The following DPF1 variants were observed in gnomAD, a reference collection of about 807,000 sequenced individuals.
DPF1 encodes the protein double PHD fingers 1, also known as zinc finger protein neuro-d4.
DPF1 carries 14 observed loss-of-function variants against 58.7 expected under a neutral mutation model. That is an observed-to-expected ratio of 0.24 (90% confidence interval 0.16 to 0.37). The LOEUF is 0.37. Ranked by LOEUF, DPF1 falls within the 10% of genes least tolerant of loss-of-function variation. The pLI, the probability that DPF1 is intolerant of heterozygous loss-of-function variation, is 1.00. For synonymous variants in DPF1, 216 were observed against 216.0 expected (o/e 1.00, Z 0.00); for missense variants, 345 against 529.9 (o/e 0.65, Z 3.43).
intron 9 of DPF1, among the ~76,000 whole-genome samples, chr19:38,215,347 G>A (rs189491103): frequency 1.8e-3 from 267 of 151,970 alleles, no homozygotes; most frequent in Admixed American, 6.0e-3. Flanking sequence ...TTAAAAATTA[G>A]CCAGGCATGG....
Position 38,211,664 on chromosome 19 carries a change from G to A in DPF1, c.*399C>T, listed in dbSNP as rs1973423666. 1 of 158,016 alleles carries A rather than the reference G, an allele frequency of 6.3e-6. No homozygotes were observed. Among genetic ancestry groups the A allele is most frequent in the South Asian group, 2.0e-4 (1 of 5,022 alleles). 9.8% of individuals were successfully genotyped at this position (158,016 alleles called of 1,614,324 possible). ...CGCCCCTCCACCCAGCCAGGCCTTG[G>A]AGGACTCTTTGTATATATTAACTTC... On this transcript the variant is annotated 3_prime_UTR_variant, in exon 12 of 12. Coordinates refer to ENST00000355526, the MANE Select transcript of DPF1 (RefSeq NM_001135155.3). The surrounding 1 kb of genome is among the most constrained non-coding windows in gnomAD (Gnocchi z 4.0).
intron 3 of DPF1, 146 bp from the exon 4 acceptor site, chr19:38,219,204 C>T: frequency 1.6e-6 from 2 of 1,231,182 alleles, no homozygotes; most frequent in Non-Finnish European, 2.2e-6. Flanking sequence ...GAGGGAGGCC[C>T]AGACTCTGGG....
intron 10 of DPF1, among the ~76,000 whole-genome samples, chr19:38,212,986 T>C (rs1335400683): frequency 6.7e-6 from 1 of 148,602 alleles, no homozygotes; most frequent in Non-Finnish European, 1.5e-5. Context: ...TTTGTTTTTG[T>C]TTGTTTTTTT....
chr19:38,226,503 T>TACACACACACACACACACACACACAC (rs60328056), upstream of DPF1, among the ~76,000 whole-genome samples: 1 of 133,702 alleles, frequency 7.5e-6, no homozygotes, highest in East Asian at 2.3e-4. Context: ...CGGTCACTTC[T>TACACACACACACACACACACACACAC]ACACACACAC....
At position 38,222,336 on chromosome 19, in the gene DPF1, G is replaced by A. The variant is rs961468590; in HGVS notation, c.298+21C>T. ...CAGCAGGCGCTGGGACACCGATGGGGGCCCCAGCGGCTGCACCCACCGATC... is the reference window on the plus strand; with the variant it reads ...CAGCAGGCGCTGGGACACCGATGGGAGCCCCAGCGGCTGCACCCACCGATC... On this transcript the variant is annotated intron_variant, in intron 3 of 11. Coordinates refer to ENST00000355526, the MANE Select transcript of DPF1 (RefSeq NM_001135155.3). This position sits in a 1 kb window ranked among gnomAD's most constrained non-coding sequence, Gnocchi z 4.9. 39 of 1,578,094 alleles carry A rather than the reference G, an allele frequency of 2.5e-5. No homozygotes were observed. In the Admixed American group the frequency reaches 4.8e-4, roughly 19 times the overall value.
rs745459511 is a variant in DPF1 at position 38,217,526 on chromosome 19, C to T, written c.661G>A (p.Glu221Lys). 7 of 1,551,592 alleles carry T rather than the reference C, an allele frequency of 4.5e-6. No homozygotes were observed. In the South Asian group the frequency reaches 4.8e-5, roughly 11 times the overall value. Residue 221 changes from glutamate to lysine, a missense_variant, in exon 7 of 12, where the codon GAG becomes AAG. Coordinates refer to ENST00000355526, the MANE Select transcript of DPF1 (RefSeq NM_001135155.3). ...TCGGCGTTCTCCTCCCCCTCCTCCT[C>T]GGCCAGGTGGGTGTGGGTGTAGTGG... ...SYHYTHTHLAEEEGEENAERH... is the reference protein window; with the variant it reads ...SYHYTHTHLAKEEGEENAERH...
In DPF1 at chr19:38,222,515, C is replaced by T. The variant is rs1413804224; in HGVS notation, c.190+33G>A. ...CGGCGGCGGTGGGGCGGCCTGGCCC[C>T]GCCCCGCCCTGCGCCAGCCCTCCCG... On this transcript the variant is annotated intron_variant, in intron 2 of 11. Coordinates refer to ENST00000355526, the MANE Select transcript of DPF1 (RefSeq NM_001135155.3). This position sits in a 1 kb window ranked among gnomAD's most constrained non-coding sequence, Gnocchi z 4.9. The T allele has an allele frequency of 1.0e-5, 16 of 1,602,866 alleles. No individual in the cohort carries two copies. Among genetic ancestry groups the T allele is most frequent in the Non-Finnish European group, 1.4e-5 (16 of 1,175,424 alleles).
In DPF1 at chr19:38,216,334, C is replaced by G; in HGVS notation, c.778+19G>C. ...CAAAGGTGGCTGCAGACTTTAGGAG[C>G]AGAAGGAGGCATCCGTACCTGTGTG... On this transcript the variant is annotated intron_variant, in intron 8 of 11. Coordinates refer to ENST00000355526, the MANE Select transcript of DPF1 (RefSeq NM_001135155.3). 1 of 1,604,182 alleles carries G rather than the reference C, an allele frequency of 6.2e-7. No individual in the cohort carries two copies. The highest frequency in any genetic ancestry group is 8.5e-7 in the Non-Finnish European group (1 of 1,173,916).
chr19:38,219,342 G>A, intron 3 of DPF1: 1 of 438,210 alleles, frequency 2.3e-6, no homozygotes, highest in Non-Finnish European at 4.1e-6. Flanking sequence ...CCTACTCAGG[G>A]AAGACACAGC....
Position 38,217,850 on chromosome 19 carries a change from T to C in DPF1, c.543A>G (p.Lys181=), listed in dbSNP as rs768271396. 5 of 1,614,058 alleles carry C rather than the reference T, an allele frequency of 3.1e-6. No individual in the cohort carries two copies. The highest frequency in any genetic ancestry group is 4.2e-6 in the Non-Finnish European group (5 of 1,179,986). The change falls in exon 6 of 12, where the codon AAA becomes AAG. Residue 181 remains lysine, a synonymous_variant. Transcript: ENST00000355526. The part of the protein sequence containing the change: ...GKAYGIGGLR[K]RQDTASLEDR... ...CCTCCAGGGAAGCGGTGTCCTGGCG[T>C]TTCCGGAGACCCCCGATGCCATATG...
Position 38,229,632 on chromosome 19 carries a change from C to T in DPF1, c.-205G>A, listed in dbSNP as rs1305093568. On this transcript the variant is annotated 5_prime_UTR_variant, in exon 1 of 12. Coordinates refer to the DPF1 transcript ENST00000412732. The surrounding 1 kb of genome is among the most constrained non-coding windows in gnomAD (Gnocchi z 5.3). ...CCGCCTCCGGCCCGGGGCGCCGCTG[C>T]CGCCGCGCGCGGGCCCAGCCCGGCC... The T allele has an allele frequency of 3.0e-6, 3 of 1,002,980 alleles. No homozygotes were observed. The highest frequency in any genetic ancestry group is 3.6e-6 in the Non-Finnish European group (3 of 838,870). The allele number at this position is 1,002,980 out of a possible 1,614,324, so 62.1% of individuals were successfully genotyped here. A position where few individuals can be genotyped will look rare whatever the true frequency, so the allele number is the denominator to read the frequency against.
chr19:38,223,230 C>T (rs1200855272), intron 1 of DPF1: 1 of 155,166 alleles, frequency 6.4e-6, no homozygotes, highest in Non-Finnish European at 1.4e-5. Flanking sequence ...CACACAAAGA[C>T]ACACAACATG....
Position 38,218,672 on chromosome 19 carries a change from A to G in DPF1, c.427-10T>C, listed in dbSNP as rs1322962273. The G allele has an allele frequency of 6.2e-7, 1 of 1,614,010 alleles. No individual in the cohort carries two copies. Among genetic ancestry groups the G allele is most frequent in the African/African-American group, 1.3e-5 (1 of 74,936 alleles). ...CCAGCAACTGCTGTTTCTGGGCAAT[A>G]GAGAAAGGAGACGGGTCAAGAAAGT... is the stretch of plus-strand genomic sequence containing the variant. On this transcript the variant is annotated splice_polypyrimidine_tract_variant and intron_variant, in intron 4 of 11. Coordinates refer to ENST00000355526, the MANE Select transcript of DPF1 (RefSeq NM_001135155.3).
intron 9 of DPF1, 25 bp from the exon 10 acceptor site, chr19:38,213,781 A>G (rs761505594): frequency 1.3e-6 from 2 of 1,595,956 alleles, no homozygotes; most frequent in East Asian, 4.5e-5. Flanking sequence ...GCAGGGGTGC[A>G]GTTAGGAGGT....
chr19:38,220,501 G>C (rs1016626326), intron 3 of DPF1, among the ~76,000 whole-genome samples: 3 of 151,268 alleles, frequency 2.0e-5, no homozygotes, highest in African/African-American at 7.3e-5. Context: ...GGCGCCTGTA[G>C]TCCCAGCTAC....
At chr19:38,213,163 T>C (rs189515008) in intron 10 of DPF1, among the ~76,000 whole-genome samples, 47 of 151,882 alleles carry the variant, frequency 3.1e-4, no homozygotes, top group African/African-American at 1.1e-3. Flanking sequence ...TTTGTAGAGA[T>C]GGGGTTTCAC....
Position 38,222,869 on chromosome 19 carries a change from G to A in DPF1, c.30-161C>T. 2 of 1,113,594 alleles carry A rather than the reference G, an allele frequency of 1.8e-6. No individual in the cohort carries two copies. Among genetic ancestry groups the A allele is most frequent in the Non-Finnish European group, 2.4e-6 (2 of 828,238 alleles). 69.0% of individuals were successfully genotyped at this position (1,113,594 alleles called of 1,614,324 possible). A position where few individuals can be genotyped will look rare whatever the true frequency, so the allele number is the denominator to read the frequency against. On this transcript the variant is annotated intron_variant, in intron 1 of 11. Transcript: ENST00000355526. This position sits in a 1 kb window ranked among gnomAD's most constrained non-coding sequence, Gnocchi z 4.9. ...CCTCCCACTCCGGGACCCAGGCTGG[G>A]GGAAGGGGACAGGGCCCAGGGGCCC... is the stretch of plus-strand genomic sequence containing the variant.
chr19:38,212,237 T>TGGGGGGGGGGGGGGGGCGG, intron 11 of DPF1, 43 bp downstream of exon 11: 1 of 1,256,816 alleles, frequency 8.0e-7, no homozygotes, highest in Non-Finnish European at 1.1e-6. Context: ...GGAGATGGCG[T>TGGGGGGGGGGGGGGGGCGG]TCCCACCCAC....
At position 38,212,107 on chromosome 19, in the gene DPF1, G is replaced by A. The variant is rs766988824; in HGVS notation, c.1120C>T (p.Arg374Trp). The change falls in exon 12 of 12, where the codon CGG (arginine) becomes TGG (tryptophan). Residue 374 changes from arginine (R) to tryptophan (W), a missense_variant. By Grantham distance (101) the Arg-to-Trp change is moderately radical. Transcript: ENST00000355526. ...EGSWSCHLCL[R>W]HLKEKASAYI... ...GCAGAAGCCTTTTCCTTCAGGTGCC[G>A]GAGACAGAGGTGACAGCTCCAGCTC... 7 of 1,611,958 alleles carry A rather than the reference G, an allele frequency of 4.3e-6. No homozygotes were observed. The highest frequency in any genetic ancestry group is 2.2e-5 in the South Asian group (2 of 90,592).
Sources: allele counts gnomAD v4.1 joint callset (sites outside exome capture counted in the v4.1 genomes callset), GRCh38; gene constraint gnomAD v4.1.1; non-coding constraint Gnocchi (gnomAD v3.1); transcripts MANE v1.5; gene names NCBI Gene and HGNC (gene_info 2026-07-23, HGNC 2026-07-21).